ABCC1: variants seen among roughly 807,000 people sequenced by gnomAD.
ABCC1 encodes the protein ATP binding cassette subfamily C member 1 (ABCC1 blood group).
A neutral mutation model predicts 172.9 loss-of-function variants in ABCC1; 83 were observed. The observed-to-expected ratio is 0.48, with a 90% CI of 0.40 to 0.58. The LOEUF (loss-of-function observed/expected upper bound fraction) is 0.58. ABCC1 is among the 20% of genes least tolerant of loss of function. ABCC1 has a pLI of 0.00. For missense variants in ABCC1, 1,817 were observed against 2,002.7 expected, an observed-to-expected ratio of 0.91 and a Z score of 1.77; for synonymous variants, 937 against 825.2, an observed-to-expected ratio of 1.14 and a Z score of -2.32.
chr16:16,134,381 A>T lies in ABCC1; in HGVS notation c.3998A>T (p.Lys1333Met). The T allele has an allele frequency of 6.2e-7, 1 of 1,614,078 alleles. No individual in the cohort carries two copies. Among genetic ancestry groups the T allele is most frequent in the Non-Finnish European group, 8.5e-7 (1 of 1,180,016 alleles). ...ATCGTGGGGCGGACGGGAGCTGGGA[A>T]GTCGTCCCTGACCCTGGGCTTATTT... Reference protein sequence around the residue: ...VGIVGRTGAGKSSLTLGLFRI... With the variant: ...VGIVGRTGAGMSSLTLGLFRI... The change falls in exon 28 of 31, where the codon AAG becomes ATG. Residue 1333 changes from lysine (K) to methionine (M), a missense_variant. Coordinates refer to ENST00000399410, the MANE Select transcript of ABCC1 (RefSeq NM_004996.4).
At chr16:15,978,824 G>T (rs527480844) in intron 1 of ABCC1, among the ~76,000 whole-genome samples, 1 of 152,216 alleles carries the variant, frequency 6.6e-6, no homozygotes, top group Admixed American at 6.5e-5. Context: ...GTCACAGTTT[G>T]GGATGGGGGT....
intron 1 of ABCC1, among the ~76,000 whole-genome samples, chr16:15,961,674 A>G (rs2046136341): frequency 6.6e-6 from 1 of 152,096 alleles, no homozygotes; most frequent in Non-Finnish European, 1.5e-5. Flanking sequence ...GGGTATTTTA[A>G]ATACTGTTTT....
At chr16:16,000,373 G>C (rs555323031) in intron 1 of ABCC1, among the ~76,000 whole-genome samples, 218 of 144,556 alleles carry the variant, frequency 1.5e-3, no homozygotes, top group African/African-American at 5.2e-3. Context: ...TTGAACTCCT[G>C]GGCTCAAGTG....
rs955785319 is a variant in ABCC1, at chr16:16,075,204, C to G, written c.1913-1122C>G. Reference sequence around the variant, plus strand: ...AGGTGATCTGCCCGCCTCGGTCTCCCGAAGTGTTGGGATTACAGGCATGAG... The same window carrying G: ...AGGTGATCTGCCCGCCTCGGTCTCCGGAAGTGTTGGGATTACAGGCATGAG... On this transcript the variant is annotated intron_variant, in intron 14 of 30. Transcript: ENST00000399410. Among the ~76,000 whole-genome samples the G allele has an allele frequency of 2.0e-5, 3 of 151,964 alleles. No homozygotes were observed. In the East Asian group the frequency reaches 5.8e-4, roughly 30 times the overall value.
intron 1 of ABCC1, among the ~76,000 whole-genome samples, chr16:15,989,417 A>G (rs991827560): frequency 6.6e-6 from 1 of 152,098 alleles, no homozygotes; most frequent in Non-Finnish European, 1.5e-5. Flanking sequence ...GCCTTTCTCC[A>G]GATGTTTTCA....
chr16:16,037,777 C>T (rs2095187468), intron 7 of ABCC1, among the ~76,000 whole-genome samples: 1 of 152,154 alleles, frequency 6.6e-6, no homozygotes. Context: ...TACAGGCCTT[C>T]AGTCAGACCC....
chr16:15,951,834 C>T (rs1442432057), intron 1 of ABCC1, among the ~76,000 whole-genome samples: 8 of 152,138 alleles, frequency 5.3e-5, no homozygotes, highest in Admixed American at 5.2e-4. Flanking sequence ...GGACTATAGG[C>T]GTGTGCCACC....
intron 8 of ABCC1, 64 bp downstream of exon 8, chr16:16,044,744 A>G: frequency 2.1e-6 from 3 of 1,452,078 alleles, no homozygotes; most frequent in Non-Finnish European, 2.9e-6. Context: ...TTTCAGTTGC[A>G]TCAGTCATAA....
intron 1 of ABCC1, among the ~76,000 whole-genome samples, chr16:15,993,146 A>C (rs1015859785): frequency 6.6e-6 from 1 of 152,178 alleles, no homozygotes; most frequent in Non-Finnish European, 1.5e-5. Context: ...GAGGACAGAG[A>C]TATCGTTTCT....
At position 16,083,361 on chromosome 16, in the gene ABCC1, C is replaced by T. The variant is rs2050879410; in HGVS notation, c.2116-5C>T. ...GTCTCACCTCGTTCTCCATTTGCAA[C>T]TTAGGGCTCCGTGGCCTATGTGCCA... On this transcript the variant is annotated splice_region_variant and splice_polypyrimidine_tract_variant and intron_variant, in intron 16 of 30. Transcript: ENST00000399410. The T allele has an allele frequency of 6.2e-7, 1 of 1,612,684 alleles. No homozygotes were observed. Among genetic ancestry groups the T allele is most frequent in the Non-Finnish European group, 8.5e-7 (1 of 1,179,520 alleles).
At chr16:15,986,165 C>A (rs899421373) in intron 1 of ABCC1, among the ~76,000 whole-genome samples, 3 of 132,628 alleles carry the variant, frequency 2.3e-5, no homozygotes, top group Non-Finnish European at 3.3e-5. Context: ...GAACTCCTGA[C>A]CCCGGGTGAT....
At chr16:16,051,651 G>A (rs910871495) in intron 10 of ABCC1, among the ~76,000 whole-genome samples, 18 of 152,146 alleles carry the variant, frequency 1.2e-4, no homozygotes, top group Admixed American at 1.2e-3. Flanking sequence ...AAGCTTGGTA[G>A]GAGCTCAGTT....
rs1237563005 is a variant in ABCC1, at chr16:16,006,104, G to A, written c.49-1712G>A. ...CCTAAAACAACAGCAATAACAACAA[G>A]CCATCTATGGGCCAAACTGTGGGTG... On this transcript the variant is annotated intron_variant, in intron 1 of 30. Coordinates refer to ENST00000399410, the MANE Select transcript of ABCC1 (RefSeq NM_004996.4). 3.9e-5 allele frequency among the ~76,000 whole-genome samples: 6 copies of A among 152,140 alleles called. No individual in the cohort carries two copies. The East Asian group carries it at 1.2e-3, about 29-fold the overall frequency.
At chr16:16,044,229 C>G (rs35962196) in intron 7 of ABCC1, among the ~76,000 whole-genome samples, 1 of 152,164 alleles carries the variant, frequency 6.6e-6, no homozygotes, top group African/African-American at 2.4e-5. Flanking sequence ...TCTGAAGTCA[C>G]GCAGCTGGCC....
chr16:16,007,233 TGTGTGTGTGTGA>T, intron 1 of ABCC1, among the ~76,000 whole-genome samples: 1 of 151,772 alleles, frequency 6.6e-6, no homozygotes, highest in African/African-American at 2.4e-5. Context: ...TGTGTGTGTG[TGTGTGTGTGTGA>T]GAGACAGGGT....
In ABCC1 at chr16:15,971,921, G is replaced by A. The variant is rs180749640; in HGVS notation, c.48+22122G>A. Among the ~76,000 whole-genome samples the A allele has an allele frequency of 1.4e-4, 22 of 152,236 alleles. No homozygotes were observed. In the East Asian group the frequency reaches 3.5e-3, roughly 24 times the overall value. On this transcript the variant is annotated intron_variant, in intron 1 of 30. Transcript: ENST00000399410. The stretch of plus-strand genomic sequence containing the variant: ...TAATAGGCAAGAAGGAAGGGAGAAG[G>A]AAGAAGGTCCCCTGTACAGAGACAG...
At chr16:16,120,788 G>C (rs1178634563) in intron 23 of ABCC1, among the ~76,000 whole-genome samples, 1 of 152,100 alleles carries the variant, frequency 6.6e-6, no homozygotes, top group African/African-American at 2.4e-5. Context: ...AACTCTAACA[G>C]CGCTGGGAGG....
In ABCC1 at chr16:16,048,284, C is replaced by T; in HGVS notation, c.1361C>T (p.Ala454Val). Reference sequence around the variant, plus strand: ...TCAGCCCCCCTGCAAGTCATCCTTGCTCTCTACCTCCTGTGGCTGGTGTGT... The same window carrying T: ...TCAGCCCCCCTGCAAGTCATCCTTGTTCTCTACCTCCTGTGGCTGGTGTGT... ...IWSAPLQVIL[A>V]LYLLWLNLGP... Residue 454 changes from alanine to valine, a missense_variant, in exon 10 of 31, where the codon GCT becomes GTT. Transcript: ENST00000399410. 6.2e-7 allele frequency: 1 copy of T among 1,614,106 alleles called. No homozygotes were observed. Among genetic ancestry groups the T allele is most frequent in the South Asian group, 1.1e-5 (1 of 91,076 alleles).
chr16:15,965,008 A>G (rs1263522857), intron 1 of ABCC1, among the ~76,000 whole-genome samples: 1 of 152,092 alleles, frequency 6.6e-6, no homozygotes, highest in Non-Finnish European at 1.5e-5. Flanking sequence ...CATCACCTGT[A>G]TTGTATAAAT....
Sources: gnomAD v4.1 joint callset for allele counts (sites outside exome capture counted in the v4.1 genomes callset) on GRCh38, gnomAD v4.1.1 for gene constraint, MANE v1.5 for transcripts, NCBI Gene and HGNC (gene_info 2026-07-23, HGNC 2026-07-21) for gene names.